The following MICAL1 variants were observed in gnomAD, a reference collection of about 807,000 sequenced individuals.
MICAL1 encodes the protein [F-actin]-monooxygenase MICAL1.
A neutral mutation model predicts 131.8 loss-of-function variants in MICAL1; 95 were observed. The ratio of observed to expected loss-of-function variants is 0.72; its 90% CI spans 0.61 to 0.86. The LOEUF (loss-of-function observed/expected upper bound fraction) is 0.86. Among genes scored for constraint, MICAL1 ranks in the 40% least tolerant of loss-of-function variants. The pLI, the probability that MICAL1 is intolerant of heterozygous loss-of-function variation, is 0.00. For missense variants in MICAL1, 1,292 were observed against 1,380.6 expected, an observed-to-expected ratio of 0.94 and a Z score of 1.02; for synonymous variants, 546 against 554.2, an observed-to-expected ratio of 0.99 and a Z score of 0.21.
chr6:109,447,258 G>C (rs1161231153), intron 16 of MICAL1, 29 bp from the exon 17 acceptor site: 22 of 1,613,892 alleles, frequency 1.4e-5, no homozygotes, highest in Non-Finnish European at 1.9e-5. Flanking sequence ...CACAGGGTCA[G>C]GTGGAGCCAA....
In MICAL1 at chr6:109,448,214, G is replaced by A. The variant is rs371145060; in HGVS notation, c.1844C>T (p.Ala615Val). 11 of 1,611,542 alleles carry A rather than the reference G, an allele frequency of 6.8e-6. No homozygotes were observed. Among genetic ancestry groups the A allele is most frequent in the African/African-American group, 5.4e-5 (4 of 74,590 alleles). Residue 615 changes from alanine to valine, a missense_variant, in exon 13 of 25, where the codon GCC becomes GTC. By Grantham distance (64) the Ala-to-Val change is moderately conservative (BLOSUM62 0). Transcript: ENST00000358807. ...TTCCTTCAGGTCACCTGGGCTGTGG[G>A]CCATGCTCTTGAAGGCACTGTGGAA... ...SHFHSAFKSM[A>V]HSPGPVSQAS...
chr6:109,452,125 G>A (rs1324121081), intron 6 of MICAL1, 121 bp downstream of exon 6: 1 of 1,471,774 alleles, frequency 6.8e-7, no homozygotes, highest in African/African-American at 1.4e-5. Flanking sequence ...CTTTGCTGCT[G>A]AGACCAAAAA....
At chr6:109,449,064 CTT>C in intron 11 of MICAL1, 185 bp from the exon 12 acceptor site, 1 of 822,516 alleles carries the variant, frequency 1.2e-6, no homozygotes, top group East Asian at 2.7e-5. Flanking sequence ...AAAAAAATCT[CTT>C]TGGAATAAAG....
At chr6:109,453,462 C>A in intron 3 of MICAL1, 95 bp from the exon 4 acceptor site, 1 of 1,511,406 alleles carries the variant, frequency 6.6e-7, no homozygotes, top group Non-Finnish European at 9.0e-7. Flanking sequence ...CTGGAAAAGG[C>A]CTTAGCAATC....
At chr6:109,453,460 G>A (rs13210709) in intron 3 of MICAL1, 93 bp from the exon 4 acceptor site, 2 of 1,520,982 alleles carry the variant, frequency 1.3e-6, no homozygotes, top group Non-Finnish European at 1.8e-6. Context: ...GACTGGAAAA[G>A]GCCTTAGCAA....
At chr6:109,445,898 G>T (rs1220373842) in intron 19 of MICAL1, 36 bp from the exon 20 acceptor site, 2 of 1,576,922 alleles carry the variant, frequency 1.3e-6, no homozygotes, top group Non-Finnish European at 1.7e-6. Flanking sequence ...ACTGCCTCCA[G>T]CGCCTGCCCC....
upstream of MICAL1, among the ~76,000 whole-genome samples, chr6:109,458,296 T>TAA (rs147897529): frequency 0.018 from 2,756 of 152,286 alleles, 94 homozygotes; most frequent in African/African-American, 0.063. Context: ...GAAGTCAGTT[T>TAA]AAAGAGTCCC....
chr6:109,444,589 C>G, intron 24 of MICAL1, 136 bp downstream of exon 24: 1 of 1,147,928 alleles, frequency 8.7e-7, no homozygotes, highest in African/African-American at 1.5e-5. Context: ...TTTGGAGCCC[C>G]CTCCTCTGGC....
chr6:109,462,817 A>G (rs919910061), intron 1 of MICAL1: 6 of 152,254 alleles, frequency 3.9e-5, no homozygotes, highest in Non-Finnish European at 8.8e-5. Flanking sequence ...GCCCCAAAGC[A>G]TAACATTCTA....
Position 109,451,556 on chromosome 6 carries a change from C to CG in MICAL1, c.933+43dup, listed in dbSNP as rs1562291904. ...ATGTCCAAGCCTAGCCTCTGCCTCC[C>CG]GGGGCTCACCACCCAGCCTCTCCTG... On this transcript the variant is annotated intron_variant, in intron 7 of 24. Coordinates refer to ENST00000358807, the MANE Select transcript of MICAL1 (RefSeq NM_022765.4). 3.7e-6 allele frequency: 6 copies of CG among 1,609,286 alleles called. No individual in the cohort carries two copies. The African/African-American group carries it at 4.0e-5, about 11-fold the overall frequency.
At position 109,455,431 on chromosome 6, in the gene MICAL1, G is replaced by C. The variant is rs1395951277; in HGVS notation, c.-44+288C>G. Among the ~76,000 whole-genome samples, 1 of 152,186 alleles carries C rather than the reference G, an allele frequency of 6.6e-6. No homozygotes were observed. On this transcript the variant is annotated intron_variant, in intron 1 of 24. Transcript: ENST00000358807. The surrounding 1 kb of genome is among the most constrained non-coding windows in gnomAD (Gnocchi z 4.7). ...GGAAGGAGGAAGACCTCGGCGAAAGGGGAGAAAGGAGCGACCCAGCCTGGA... is the reference window on the plus strand; with the variant it reads ...GGAAGGAGGAAGACCTCGGCGAAAGCGGAGAAAGGAGCGACCCAGCCTGGA...
In MICAL1 at chr6:109,453,650, G is replaced by T. The variant is rs576080794; in HGVS notation, c.454C>A (p.Leu152Met). 4 of 1,604,154 alleles carry T rather than the reference G, an allele frequency of 2.5e-6. No homozygotes were observed. Among genetic ancestry groups the T allele is most frequent in the African/African-American group, 1.3e-5 (1 of 74,710 alleles). The change falls in exon 3 of 25, where the codon CTG becomes ATG. Residue 152 changes from leucine to methionine, a missense_variant. Leu to Met is a conservative substitution (Grantham distance 15). Transcript: ENST00000358807. Reference sequence around the variant, plus strand: ...ACGTGGTGCTCACTGATGTGGTCCAGGGTGCCGGTGCAGAAGCGCCCGTAG... The same window carrying T: ...ACGTGGTGCTCACTGATGTGGTCCATGGTGCCGGTGCAGAAGCGCCCGTAG... ...KFYGRFCTGTLDHISIRQLQL... is the reference protein window; with the variant it reads ...KFYGRFCTGTMDHISIRQLQL...
chr6:109,453,557 T>C, intron 3 of MICAL1, 81 bp downstream of exon 3: 2 of 1,525,936 alleles, frequency 1.3e-6, no homozygotes, highest in East Asian at 2.5e-5. Context: ...ACTTCGACAT[T>C]TGGCTGTCCC....
intron 1 of MICAL1, chr6:109,465,266 A>G (rs1776005040): frequency 5.7e-6 from 1 of 175,314 alleles, no homozygotes; most frequent in African/African-American, 2.4e-5. Flanking sequence ...AAGTGTTAAC[A>G]CAATAAGCCC....
intron 19 of MICAL1, 113 bp from the exon 20 acceptor site, chr6:109,445,975 G>A (rs1775198086): frequency 6.7e-7 from 1 of 1,502,230 alleles, no homozygotes; most frequent in African/African-American, 1.4e-5. Flanking sequence ...GAATGTATGT[G>A]TTGGGGCATG....
intron 10 of MICAL1, 38 bp from the exon 11 acceptor site, chr6:109,449,519 C>T: frequency 6.2e-7 from 1 of 1,613,198 alleles, no homozygotes; most frequent in South Asian, 1.1e-5. Flanking sequence ...GCAGGCTGGC[C>T]ACACAGCCCC....
Position 109,452,543 on chromosome 6 carries a change from A to G in MICAL1, c.644T>C (p.Ile215Thr). Residue 215 changes from isoleucine to threonine, a missense_variant, in exon 5 of 25, where the codon ATC becomes ACC. Physicochemically the swap from Ile to Thr is moderately conservative, Grantham distance 89. Transcript: ENST00000358807. ...QLANYEFDVLISAAGGKFVPE... is the reference protein window; with the variant it reads ...QLANYEFDVLTSAAGGKFVPE... Reference sequence around the variant, plus strand: ...GACGAATTTACCTCCTGCAGCCGAGATAAGGACGTCAAATTCATAGTTGGC... The same window carrying G: ...GACGAATTTACCTCCTGCAGCCGAGGTAAGGACGTCAAATTCATAGTTGGC... The G allele has an allele frequency of 6.2e-7, 1 of 1,614,032 alleles. No homozygotes were observed.
intron 15 of MICAL1, 53 bp downstream of exon 15, chr6:109,447,628 G>A: frequency 1.2e-6 from 2 of 1,612,024 alleles, no homozygotes; most frequent in African/African-American, 1.3e-5. Context: ...ACAGTACCAG[G>A]AAAGGGGATA....
chr6:109,445,072 C>T, intron 22 of MICAL1, 77 bp from the exon 23 acceptor site: 2 of 1,579,536 alleles, frequency 1.3e-6, no homozygotes, highest in Non-Finnish European at 1.7e-6. Flanking sequence ...TTAGGGGAGA[C>T]AGGAGAGCCG....
Sources: gnomAD v4.1 joint callset for allele counts (sites outside exome capture counted in the v4.1 genomes callset) on GRCh38, gnomAD v4.1.1 for gene constraint, Gnocchi (gnomAD v3.1) non-coding constraint, MANE v1.5 for transcripts, NCBI Gene and HGNC (gene_info 2026-07-23, HGNC 2026-07-21) for gene names.